The following MYO18B variants were observed in gnomAD, a reference collection of about 807,000 sequenced individuals.
MYO18B encodes the protein myosin XVIIIB, also known as unconventional myosin-XVIIIb.
MYO18B carries 204 observed loss-of-function variants against 273.0 expected under a neutral mutation model. That is an observed-to-expected ratio of 0.75 (90% CI 0.67 to 0.84). The LOEUF (loss-of-function observed/expected upper bound fraction) is 0.84, where lower values mean the gene tolerates loss of function less well. MYO18B is among the 40% of genes least tolerant of loss of function. The probability of loss-of-function intolerance (pLI) is 0.00; values close to 1 mark genes in which losing one functional copy is unlikely to be tolerated. For missense variants in MYO18B, 3,212 were observed against 3,287.6 expected (o/e 0.98, Z 0.56); for synonymous variants, 1,330 against 1,305.7 (o/e 1.02, Z -0.40).
At chr22:25,804,822 C>T (rs1168408881) in intron 12 of MYO18B, among the ~76,000 whole-genome samples, 1 of 152,242 alleles carries the variant, frequency 6.6e-6, no homozygotes, top group Non-Finnish European at 1.5e-5. Flanking sequence ...TGTTGCCTGA[C>T]AGCCTTGGCA....
the MYO18B span, among the ~76,000 whole-genome samples, chr22:26,059,935 TGTG>T: frequency 6.6e-6 from 1 of 152,216 alleles, no homozygotes; most frequent in South Asian, 2.1e-4. Flanking sequence ...GTGAGAATAA[TGTG>T]GTCGATTATT....
chr22:25,990,079 C>T (rs1291662672), intron 39 of MYO18B, among the ~76,000 whole-genome samples: 1 of 152,228 alleles, frequency 6.6e-6, no homozygotes, highest in Non-Finnish European at 1.5e-5. Flanking sequence ...CACCCCTTCT[C>T]CCTCTCATCA....
chr22:25,972,418 G>A (rs1299072607), intron 39 of MYO18B, among the ~76,000 whole-genome samples: 6 of 152,206 alleles, frequency 3.9e-5, no homozygotes, highest in Non-Finnish European at 7.3e-5. Context: ...TATACCTCAT[G>A]TCATTTAATT....
rs1331632174 is a variant in MYO18B, at chr22:25,810,114, TTGA to T, written c.2521+12018_2521+12020del. Among the ~76,000 whole-genome samples the T allele has an allele frequency of 7.9e-4, 119 of 150,324 alleles. 1 individual carries two copies. The highest frequency in any genetic ancestry group is 8.6e-4 in the Admixed American group (13 of 15,136). On this transcript the variant is annotated intron_variant, in intron 12 of 43. Transcript: ENST00000335473. ...TCCTTCAGGCTTTTTTTTTTTTTTT[TTGA>T]GACAGAGTCTTGCTCTGTTGCCCAG...
At chr22:25,794,905 A>G (rs5761200) in intron 11 of MYO18B, among the ~76,000 whole-genome samples, 107,414 of 152,184 alleles carry the variant, frequency 0.71, 38,080 homozygotes, top group East Asian at 0.86. Flanking sequence ...CTCCCAGGCA[A>G]TCTCCATCAG....
chr22:25,888,525 G>A (rs2091568416), intron 25 of MYO18B, among the ~76,000 whole-genome samples: 1 of 152,206 alleles, frequency 6.6e-6, no homozygotes, highest in Non-Finnish European at 1.5e-5. Flanking sequence ...GCCTGTCAAA[G>A]CACTGGGATT....
chr22:25,793,690 C>G (rs5752209), intron 11 of MYO18B, among the ~76,000 whole-genome samples: 2,909 of 152,302 alleles, frequency 0.019, 77 homozygotes, highest in East Asian at 0.11. Flanking sequence ...TAGGAATCTC[C>G]TGGGCGCTCT....
In MYO18B at chr22:25,929,160, C is replaced by CAAAA. The variant is rs4049336; in HGVS notation, c.5517+7765_5517+7768dup. Among the ~76,000 whole-genome samples the CAAAA allele has an allele frequency of 7.3e-3, 893 of 122,038 alleles. 16 individuals are homozygous for CAAAA. Among genetic ancestry groups the CAAAA allele is most frequent in the South Asian group, 0.017 (59 of 3,484 alleles). The allele number at this position is 122,038 out of a possible 152,430, so 80.1% of individuals were successfully genotyped here. A position where few individuals can be genotyped will look rare whatever the true frequency, so the allele number is the denominator to read the frequency against. Reference sequence around the variant, plus strand: ...CTGGGCAACAAGAGCGAAACTGTCTCAAAAAAAAAAAAAAAAAGACAGTGA... The same window carrying CAAAA: ...CTGGGCAACAAGAGCGAAACTGTCTCAAAAAAAAAAAAAAAAAAAAAGACAGTGA... On this transcript the variant is annotated intron_variant, in intron 34 of 43. Coordinates refer to ENST00000335473, the MANE Select transcript of MYO18B (RefSeq NM_032608.7).
chr22:25,912,073 A>C (rs150263125), intron 33 of MYO18B, among the ~76,000 whole-genome samples: 26 of 152,344 alleles, frequency 1.7e-4, no homozygotes, highest in African/African-American at 6.3e-4. Context: ...TTCACAAAAC[A>C]ATGTGGGTGC....
At chr22:25,882,895 AATTTTT>A (rs907022446) in intron 25 of MYO18B, among the ~76,000 whole-genome samples, 12 of 152,142 alleles carry the variant, frequency 7.9e-5, no homozygotes, top group African/African-American at 2.6e-4. Context: ...TTAGTTAATT[AATTTTT>A]ATTTTTATTT....
chr22:25,742,401 G>A (rs2085653341), intron 1 of MYO18B, 108 bp downstream of exon 1: 1 of 152,138 alleles, frequency 6.6e-6, no homozygotes, highest in South Asian at 2.1e-4. Flanking sequence ...CGGTCTTTTG[G>A]TCTATTTTAG....
chr22:25,803,703 G>T (rs2145790935), intron 12 of MYO18B, among the ~76,000 whole-genome samples: 1 of 152,226 alleles, frequency 6.6e-6, no homozygotes, highest in East Asian at 1.9e-4. Context: ...ATAAAATGGG[G>T]ACAGCTATGA....
At chr22:25,882,988 C>T (rs1343608491) in intron 25 of MYO18B, among the ~76,000 whole-genome samples, 1 of 152,148 alleles carries the variant, frequency 6.6e-6, no homozygotes, top group Non-Finnish European at 1.5e-5. Flanking sequence ...CCTCAACCTC[C>T]TGGGCTAAAG....
chr22:25,893,453 C>T (rs1013519288), intron 27 of MYO18B, among the ~76,000 whole-genome samples: 1 of 152,186 alleles, frequency 6.6e-6, no homozygotes, highest in African/African-American at 2.4e-5. Context: ...AGAACAGTTT[C>T]CCCTCTTGTT....
intron 12 of MYO18B, among the ~76,000 whole-genome samples, chr22:25,801,856 T>C (rs934003844): frequency 1.3e-5 from 2 of 152,192 alleles, no homozygotes; most frequent in African/African-American, 4.8e-5. Context: ...CCTCAGGACA[T>C]AGAGCTAAAG....
chr22:25,798,034 C>T lies in MYO18B; in HGVS notation c.2458C>T (p.Gln820Ter), dbSNP rs1394443801. 6.2e-7 allele frequency: 1 copy of T among 1,613,156 alleles called. No individual in the cohort carries two copies. The highest frequency in any genetic ancestry group is 8.5e-7 in the Non-Finnish European group (1 of 1,179,162). ...GATGCTCGGCATCTCAGAGAGCGAGCAGCGGGCTGTTTGGCGGGTCCTGGC... is the reference window on the plus strand; with the variant it reads ...GATGCTCGGCATCTCAGAGAGCGAGTAGCGGGCTGTTTGGCGGGTCCTGGC... ...MEMLGISESEQRAVWRVLAAI... is the reference protein window; with the variant it reads ...MEMLGISESE The change falls in exon 12 of 44, where the codon CAG (glutamine) becomes TAG (stop). Residue 820 changes from glutamine to a stop codon, truncating the protein, a stop_gained. Coordinates refer to ENST00000335473, the MANE Select transcript of MYO18B (RefSeq NM_032608.7). LOFTEE classifies it high-confidence loss of function.
intron 23 of MYO18B, among the ~76,000 whole-genome samples, chr22:25,875,510 C>A (rs1044321166): frequency 2.0e-5 from 3 of 150,594 alleles, no homozygotes; most frequent in Non-Finnish European, 4.4e-5. Context: ...TCTGGTCCCC[C>A]CCCCAGTGAT....
the MYO18B span, among the ~76,000 whole-genome samples, chr22:26,052,294 T>C: frequency 6.6e-6 from 1 of 152,216 alleles, no homozygotes; most frequent in African/African-American, 2.4e-5. Context: ...TTTGAGATGG[T>C]ATTGATAATT....
chr22:25,920,507 T>C (rs2092324993), intron 33 of MYO18B, among the ~76,000 whole-genome samples: 1 of 152,126 alleles, frequency 6.6e-6, no homozygotes, highest in Admixed American at 6.5e-5. Context: ...TGCGGCTTCT[T>C]TGGGACTCCC....
Sources: allele counts gnomAD v4.1 joint callset (sites outside exome capture counted in the v4.1 genomes callset), GRCh38; gene constraint gnomAD v4.1.1; transcripts MANE v1.5; gene names NCBI Gene and HGNC (gene_info 2026-07-23, HGNC 2026-07-21).